UGT2B17: variants seen among roughly 807,000 people sequenced by gnomAD.
The protein encoded by UGT2B17 is UDP-glucuronosyltransferase 2B17.
A neutral mutation model predicts 48.2 loss-of-function variants in UGT2B17; 21 were observed. The ratio of observed to expected loss-of-function variants is 0.44; its 90% CI spans 0.31 to 0.63. The LOEUF (loss-of-function observed/expected upper bound fraction) is 0.63, where lower values mean the gene tolerates loss of function less well. UGT2B17 is among the 20% of genes least tolerant of loss of function. The probability of loss-of-function intolerance (pLI) is 0.08; values close to 1 mark genes in which losing one functional copy is unlikely to be tolerated. For synonymous variants in UGT2B17, 146 were observed against 238.4 expected (o/e 0.61, Z 3.57); for missense variants, 402 against 696.1 (o/e 0.58, Z 4.75).
intron 3 of UGT2B17, among the ~76,000 whole-genome samples, chr4:68,563,468 G>T (rs889879313): frequency 7.9e-6 from 1 of 126,470 alleles, no homozygotes; most frequent in Non-Finnish European, 1.7e-5. Flanking sequence ...AAATTATCCG[G>T]ATGTGTTGGT....
chr4:68,539,689 C>T lies in UGT2B17; in HGVS notation c.1314-1785G>A, dbSNP rs1343633354. On this transcript the variant is annotated intron_variant, in intron 6 of 6. Coordinates refer to ENST00000317746, the MANE Select transcript of UGT2B17 (RefSeq NM_001077.4). ...TTGATTCTAGTATGACTAGAACATACTATTTTTATGAATTTGAATCTTATA... is the reference window on the plus strand; with the variant it reads ...TTGATTCTAGTATGACTAGAACATATTATTTTTATGAATTTGAATCTTATA... Among the ~76,000 whole-genome samples the T allele has an allele frequency of 1.6e-5, 2 of 121,418 alleles. 1 individual carries two copies. The highest frequency in any genetic ancestry group is 3.4e-5 in the Non-Finnish European group (2 of 58,502). 79.7% of individuals were successfully genotyped at this position (121,418 alleles called of 152,430 possible).
chr4:68,537,743 A>G lies in UGT2B17; in HGVS notation c.1475T>C (p.Leu492Ser). Residue 492 changes from leucine to serine, a missense_variant, in exon 7 of 7, where the codon TTG becomes TCG. Leu to Ser is a moderately radical substitution (Grantham distance 145). Coordinates refer to ENST00000317746, the MANE Select transcript of UGT2B17 (RefSeq NM_001077.4). ...GGCCAGCAGGAATGCTATCACATCC[A>G]AAGAGTGGTACTGGATCCAGGTGAG... ...HNLTWIQYHS[L>S]DVIAFLLACV... 2 of 1,379,498 alleles carry G rather than the reference A, an allele frequency of 1.4e-6. No homozygotes were observed. The highest frequency in any genetic ancestry group is 1.9e-6 in the Non-Finnish European group (2 of 1,054,922). The allele number at this position is 1,379,498 out of a possible 1,614,324, so 85.5% of individuals were successfully genotyped here.
Position 68,548,610 on chromosome 4 carries a change from A to G in UGT2B17, c.1313+2067T>C, listed in dbSNP as rs1730863317. Among the ~76,000 whole-genome samples, 2 of 119,422 alleles carry G rather than the reference A, an allele frequency of 1.7e-5. 1 individual carries two copies. The highest frequency in any genetic ancestry group is 3.5e-5 in the Non-Finnish European group (2 of 56,382). 78.3% of individuals were successfully genotyped at this position (119,422 alleles called of 152,430 possible). On this transcript the variant is annotated intron_variant, in intron 6 of 6. Transcript: ENST00000317746. ...TACTTTGGGCAGCATGGCCATTTTT[A>G]CAATTCTGATTTTTTTATCCATGAG...
At position 68,563,508 on chromosome 4, in the gene UGT2B17, T is replaced by C. The variant is rs1377476652; in HGVS notation, c.873+2064A>G. ...GCCTGTAATCCCAGCTACTTGGGAGTCTGAGGCAGGAGAATCAGAATCACT... is the reference window on the plus strand; with the variant it reads ...GCCTGTAATCCCAGCTACTTGGGAGCCTGAGGCAGGAGAATCAGAATCACT... On this transcript the variant is annotated intron_variant, in intron 3 of 6. Transcript: ENST00000317746. Among the ~76,000 whole-genome samples the C allele has an allele frequency of 2.4e-5, 3 of 125,872 alleles. 1 individual carries two copies. Among genetic ancestry groups the C allele is most frequent in the African/African-American group, 8.1e-5 (3 of 36,840 alleles). The allele number at this position is 125,872 out of a possible 152,430, so 82.6% of individuals were successfully genotyped here.
rs201044061 is a variant in UGT2B17, at chr4:68,537,826, C to A, written c.1392G>T (p.Trp464Cys). 1.5e-6 allele frequency: 2 copies of A among 1,379,006 alleles called. No homozygotes were observed. The highest frequency in any genetic ancestry group is 1.5e-5 in the African/African-American group (1 of 67,812). The allele number at this position is 1,379,006 out of a possible 1,614,324, so 85.4% of individuals were successfully genotyped here. ...PVKPLDRAVF[W>C]IEFVMRHKGA... ...CTTTATGGCGCATGACAAACTCAAT[C>A]CAGAAGACTGCTCGATCCAGGGGCT... The change falls in exon 7 of 7, where the codon TGG becomes TGT. Residue 464 changes from tryptophan to cysteine, a missense_variant. Coordinates refer to ENST00000317746, the MANE Select transcript of UGT2B17 (RefSeq NM_001077.4).
chr4:68,541,433 C>A (rs554159334), intron 6 of UGT2B17, among the ~76,000 whole-genome samples: 1 of 126,592 alleles, frequency 7.9e-6, no homozygotes, highest in Non-Finnish European at 1.7e-5. Flanking sequence ...GTGTTGGCTG[C>A]ATAAATGTAT....
chr4:68,568,649 C>G lies in UGT2B17; in HGVS notation c.-64-101G>C, dbSNP rs1379437861. On this transcript the variant is annotated intron_variant, in intron 1 of 6. Transcript: ENST00000317746. ...GTGTTCTTTTATATTTACAATTACT[C>G]TAGTCAAGCAATAATTTTTATGACC... The G allele has an allele frequency of 1.0e-5, 7 of 693,042 alleles. 2 individuals carry two copies. The highest frequency in any genetic ancestry group is 9.7e-4 in the Middle Eastern group (2 of 2,056). The allele number at this position is 693,042 out of a possible 1,614,324, so 42.9% of individuals were successfully genotyped here. A position where few individuals can be genotyped will look rare whatever the true frequency, so the allele number is the denominator to read the frequency against.
At position 68,537,767 on chromosome 4, in the gene UGT2B17, A is replaced by G; in HGVS notation, c.1451T>C (p.Leu484Pro). Residue 484 changes from leucine to proline, a missense_variant, in exon 7 of 7, where the codon CTC becomes CCC. Physicochemically the swap from Leu to Pro is moderately conservative, Grantham distance 98 (BLOSUM62 -3). Around this residue, in one of 5 missense-constraint regions of UGT2B17, gnomAD observed 156 missense variants for 258.6 expected, o/e 0.60. Coordinates refer to ENST00000317746, the MANE Select transcript of UGT2B17 (RefSeq NM_001077.4). ...AKHLRVAAHNLTWIQYHSLDV... is the reference protein window; with the variant it reads ...AKHLRVAAHNPTWIQYHSLDV... ...CAAAGAGTGGTACTGGATCCAGGTG[A>G]GGTTGTGGGCTGCGACCCGAAGGTG... The G allele has an allele frequency of 7.2e-7, 1 of 1,379,736 alleles. No homozygotes were observed. The highest frequency in any genetic ancestry group is 9.5e-7 in the Non-Finnish European group (1 of 1,055,042). The allele number at this position is 1,379,736 out of a possible 1,614,324, so 85.5% of individuals were successfully genotyped here. A position where few individuals can be genotyped will look rare whatever the true frequency, so the allele number is the denominator to read the frequency against.
In UGT2B17 at chr4:68,557,494, T is replaced by C. The variant is rs187063401; in HGVS notation, c.1005+3043A>G. ...AAAACTAAAGTAATCTTTTTGACTT[T>C]GCTTAAAACATTGCTGATCCTTTGT... is the stretch of plus-strand genomic sequence containing the variant. On this transcript the variant is annotated intron_variant, in intron 4 of 6. Transcript: ENST00000317746. Among the ~76,000 whole-genome samples the C allele has an allele frequency of 1.4e-4, 18 of 124,506 alleles. 1 individual carries two copies. The highest frequency in any genetic ancestry group is 3.8e-4 in the African/African-American group (14 of 36,852). 81.7% of individuals were successfully genotyped at this position (124,506 alleles called of 152,430 possible).
rs539880366 is a variant in UGT2B17, at chr4:68,565,325, T to G, written c.873+247A>C. On this transcript the variant is annotated intron_variant, in intron 3 of 6. Coordinates refer to ENST00000317746, the MANE Select transcript of UGT2B17 (RefSeq NM_001077.4). ...AAATGAACCATACTATCTTGTGGGT[T>G]GCACAATGAAGGCCTTACTTTAACC... Among the ~76,000 whole-genome samples the G allele has an allele frequency of 3.7e-3, 472 of 126,224 alleles. 70 individuals are homozygous for G. The highest frequency in any genetic ancestry group is 0.012 in the African/African-American group (433 of 36,832). The allele number at this position is 126,224 out of a possible 152,430, so 82.8% of individuals were successfully genotyped here.
In UGT2B17 at chr4:68,549,330, G is replaced by A. The variant is rs1389747027; in HGVS notation, c.1313+1347C>T. Among the ~76,000 whole-genome samples the A allele has an allele frequency of 1.1e-4, 10 of 89,588 alleles. 2 individuals are homozygous for A. The highest frequency in any genetic ancestry group is 3.2e-4 in the African/African-American group (10 of 31,420). 58.8% of individuals were successfully genotyped at this position (89,588 alleles called of 152,430 possible). ...ATATTAAAACCTTCATGTTTCAAAAGGCATCCTCCAAAAAGTAAAAAAAAA... is the reference window on the plus strand; with the variant it reads ...ATATTAAAACCTTCATGTTTCAAAAAGCATCCTCCAAAAAGTAAAAAAAAA... On this transcript the variant is annotated intron_variant, in intron 6 of 6. Transcript: ENST00000317746.
chr4:68,547,027 A>T lies in UGT2B17; in HGVS notation c.1313+3650T>A. ...CAAGGTAATTTATAGATCCAATGCC[A>T]TCCCCATCAAGCTACCAATGACTTT... On this transcript the variant is annotated intron_variant, in intron 6 of 6. Coordinates refer to ENST00000317746, the MANE Select transcript of UGT2B17 (RefSeq NM_001077.4). Among the ~76,000 whole-genome samples the T allele has an allele frequency of 1.6e-5, 2 of 122,354 alleles. 1 individual carries two copies. The highest frequency in any genetic ancestry group is 3.4e-5 in the Non-Finnish European group (2 of 58,312). 80.3% of individuals were successfully genotyped at this position (122,354 alleles called of 152,430 possible). A position where few individuals can be genotyped will look rare whatever the true frequency, so the allele number is the denominator to read the frequency against.
At chr4:68,556,282 C>T (rs1730998721) in intron 4 of UGT2B17, among the ~76,000 whole-genome samples, 1 of 121,518 alleles carries the variant, frequency 8.2e-6, no homozygotes, top group South Asian at 3.9e-4. Context: ...TTTTTTTAAC[C>T]CAAAGTTTAA....
intron 6 of UGT2B17, among the ~76,000 whole-genome samples, chr4:68,544,622 A>C (rs62316983): frequency 0.33 from 40,919 of 124,698 alleles, 13,230 homozygotes; most frequent in Admixed American, 0.42. Flanking sequence ...AATGGGTTAA[A>C]TGCTAGAATT....
intron 3 of UGT2B17, among the ~76,000 whole-genome samples, chr4:68,562,012 C>T (rs180740695): frequency 0.013 from 1,607 of 124,196 alleles, 323 homozygotes; most frequent in African/African-American, 0.04. Context: ...AAACTGTTTA[C>T]GAATAAAAAA....
In UGT2B17 at chr4:68,552,803, A is replaced by G. The variant is rs1296314544; in HGVS notation, c.1006-892T>C. 1.0e-4 allele frequency among the ~76,000 whole-genome samples: 13 copies of G among 125,744 alleles called. 3 individuals are homozygous for G. Among genetic ancestry groups the G allele is most frequent in the African/African-American group, 3.5e-4 (13 of 36,822 alleles). The allele number at this position is 125,744 out of a possible 152,430, so 82.5% of individuals were successfully genotyped here. A position where few individuals can be genotyped will look rare whatever the true frequency, so the allele number is the denominator to read the frequency against. On this transcript the variant is annotated intron_variant, in intron 4 of 6. Coordinates refer to ENST00000317746, the MANE Select transcript of UGT2B17 (RefSeq NM_001077.4). ...GATACCCCAAAATTCAGTCAAGACC[A>G]AAAGTTTATTTTGCTGTACAACTCC...
chr4:68,558,404 A>G lies in UGT2B17; in HGVS notation c.1005+2133T>C, dbSNP rs1161632353. Among the ~76,000 whole-genome samples, 18 of 126,174 alleles carry G rather than the reference A, an allele frequency of 1.4e-4. 2 individuals are homozygous for G. The highest frequency in any genetic ancestry group is 4.9e-4 in the African/African-American group (18 of 37,110). 82.8% of individuals were successfully genotyped at this position (126,174 alleles called of 152,430 possible). A position where few individuals can be genotyped will look rare whatever the true frequency, so the allele number is the denominator to read the frequency against. ...ATTTGGAGTCACTGTAAACTAAGCTATGCTTTCATAAAGCCCTACAAATTA... is the reference window on the plus strand; with the variant it reads ...ATTTGGAGTCACTGTAAACTAAGCTGTGCTTTCATAAAGCCCTACAAATTA... On this transcript the variant is annotated intron_variant, in intron 4 of 6. Coordinates refer to ENST00000317746, the MANE Select transcript of UGT2B17 (RefSeq NM_001077.4).
At position 68,537,727 on chromosome 4, in the gene UGT2B17, G is replaced by T; in HGVS notation, c.1491C>A (p.Phe497Leu). The change falls in exon 7 of 7, where the codon TTC becomes TTA. Residue 497 changes from phenylalanine (F) to leucine (L), a missense_variant. Phe to Leu is a conservative substitution (Grantham distance 22, BLOSUM62 0). Around this residue, in one of 5 missense-constraint regions of UGT2B17, gnomAD observed 156 missense variants for 258.6 expected, o/e 0.60. Transcript: ENST00000317746. Reference protein sequence around the residue: ...IQYHSLDVIAFLLACVATMIF... With the variant: ...IQYHSLDVIALLLACVATMIF... ...TCATAGTTGCCACGCAGGCCAGCAG[G>T]AATGCTATCACATCCAAAGAGTGGT... 7.3e-6 allele frequency: 10 copies of T among 1,379,220 alleles called. 2 individuals are homozygous for T. Among genetic ancestry groups the T allele is most frequent in the Non-Finnish European group, 9.5e-6 (10 of 1,054,828 alleles). 85.4% of individuals were successfully genotyped at this position (1,379,220 alleles called of 1,614,324 possible).
intron 6 of UGT2B17, among the ~76,000 whole-genome samples, chr4:68,543,707 A>G (rs1730733226): frequency 8.0e-6 from 1 of 124,448 alleles, no homozygotes; most frequent in Non-Finnish European, 1.7e-5. Flanking sequence ...TGAATGGCTA[A>G]CTAGATAACC....
Sources: allele counts gnomAD v4.1 joint callset (sites outside exome capture counted in the v4.1 genomes callset), GRCh38; gene constraint gnomAD v4.1.1; regional missense constraint gnomAD v4.1.1; transcripts MANE v1.5; gene names NCBI Gene and HGNC (gene_info 2026-07-23, HGNC 2026-07-21).